Variants in HAGH observed in about 807,000 individuals in gnomAD.
HAGH encodes hydroxyacylglutathione hydrolase, mitochondrial.
A neutral mutation model predicts 35.1 loss-of-function variants in HAGH; 29 were observed. That is an observed-to-expected ratio of 0.83 (90% CI 0.62 to 1.13). The LOEUF (loss-of-function observed/expected upper bound fraction) is 1.13, where lower values mean the gene tolerates loss of function less well. Among genes scored for constraint, HAGH ranks in the 50% most tolerant of loss-of-function variants. HAGH has a pLI of 0.00. For missense variants in HAGH, 478 were observed against 419.6 expected (o/e 1.14, Z -1.22); for synonymous variants, 225 against 176.1 (o/e 1.28, Z -2.20).
Position 1,826,708 on chromosome 16 carries a change from C to A in HAGH, c.76+4G>T. 5.5e-6 allele frequency: 6 copies of A among 1,098,292 alleles called. No homozygotes were observed. The highest frequency in any genetic ancestry group is 6.6e-6 in the Non-Finnish European group (6 of 902,640). 68.0% of individuals were successfully genotyped at this position (1,098,292 alleles called of 1,614,324 possible). A position where few individuals can be genotyped will look rare whatever the true frequency, so the allele number is the denominator to read the frequency against. ...CCCGGCCCGCACCGCCCCGCCGCAC[C>A]CACCGAGGCCTCGGCGGGCGCAGGC... On this transcript the variant is annotated splice_donor_region_variant and intron_variant, in intron 1 of 8. Coordinates refer to ENST00000397356, the MANE Select transcript of HAGH (RefSeq NM_005326.6).
chr16:1,814,627 T>C (rs1301824691), intron 7 of HAGH, among the ~76,000 whole-genome samples: 1 of 152,026 alleles, frequency 6.6e-6, no homozygotes, highest in Admixed American at 6.6e-5. Flanking sequence ...CAGCTGGGCG[T>C]GGTGGGTCAC....
intron 1 of HAGH, among the ~76,000 whole-genome samples, chr16:1,823,560 A>C (rs76225872): frequency 0.049 from 7,373 of 151,454 alleles, 486 homozygotes; most frequent in East Asian, 0.15. Context: ...AGCCACCGCG[A>C]CCAGCCAAGA....
chr16:1,819,817 G>C (rs1898064496), intron 4 of HAGH, 80 bp downstream of exon 4: 2 of 862,790 alleles, frequency 2.3e-6, no homozygotes, highest in East Asian at 4.9e-5. Context: ...TAAGGGAGCA[G>C]AGAGAATGCG....
At chr16:1,819,326 G>C in intron 4 of HAGH, 103 bp from the exon 5 acceptor site, 1 of 672,810 alleles carries the variant, frequency 1.5e-6, no homozygotes, top group Non-Finnish European at 2.5e-6. Context: ...CCTCAGCTCT[G>C]AGGGAAATGC....
chr16:1,827,112 A>G (rs1045917957), upstream of HAGH: 6 of 1,377,852 alleles, frequency 4.4e-6, no homozygotes, highest in Non-Finnish European at 5.9e-6. Context: ...TACCCGGCAG[A>G]TCGCGAGGTG....
intron 3 of HAGH, chr16:1,821,704 G>C (rs1425631575): frequency 6.6e-6 from 1 of 152,328 alleles, no homozygotes; most frequent in Non-Finnish European, 1.5e-5. Flanking sequence ...CACGATCTTG[G>C]CTCACGGCAA....
At chr16:1,826,583 G>C (rs1898437772) in intron 1 of HAGH, 129 bp downstream of exon 1, 10 of 982,338 alleles carry the variant, frequency 1.0e-5, no homozygotes, top group Admixed American at 1.3e-4. Flanking sequence ...GCTCGAGCCC[G>C]GCAGCGCGGC....
At position 1,822,921 on chromosome 16, in the gene HAGH, C is replaced by G. The variant is rs58542872; in HGVS notation, c.193G>C (p.Val65Leu). ...GCCTCCTTGGTCTCATCATCAATGA[C>G]CAGGTACATGTAGTTGTCGGTCAGG... ...PALTDNYMYL[V>L]IDDETKEAAI... Residue 65 changes from valine to leucine, a missense_variant, in exon 2 of 9, where the codon GTC becomes CTC. Physicochemically the swap from Val to Leu is conservative, Grantham distance 32. Transcript: ENST00000397356. 5.1e-3 allele frequency: 8,271 copies of G among 1,613,864 alleles called. 304 individuals are homozygous for G. The East Asian group carries it at 0.098, about 19-fold the overall frequency.
rs751079016 is a variant in HAGH, at chr16:1,823,073, G to T, written c.77-36C>A. The T allele has an allele frequency of 1.9e-6, 3 of 1,600,728 alleles. No individual in the cohort carries two copies. In the Admixed American group the frequency reaches 5.0e-5, roughly 27 times the overall value. On this transcript the variant is annotated intron_variant, in intron 1 of 8. Transcript: ENST00000397356. ...AGAGCACAACTCAGCGGGCAGCCGC[G>T]CCAGGCCCTCCACGACAGGACGCGC...
upstream of HAGH, chr16:1,826,900 C>T: frequency 6.9e-6 from 5 of 729,346 alleles, no homozygotes; most frequent in Non-Finnish European, 8.1e-6. Flanking sequence ...CAGCGTCCAC[C>T]TCGCACCGTC....
chr16:1,823,175 G>C lies in HAGH; in HGVS notation c.77-138C>G, dbSNP rs57505570. 0.012 allele frequency: 8,426 copies of C among 714,296 alleles called. 516 individuals carry two copies. The East Asian group carries it at 0.15, about 13-fold the overall frequency. The allele number at this position is 714,296 out of a possible 1,614,324, so 44.2% of individuals were successfully genotyped here. A position where few individuals can be genotyped will look rare whatever the true frequency, so the allele number is the denominator to read the frequency against. ...GGCCAGGTATGGTGGTTCTTGCCGGGAATCCCAGCGCTTTAAGAGACTGAG... is the reference window on the plus strand; with the variant it reads ...GGCCAGGTATGGTGGTTCTTGCCGGCAATCCCAGCGCTTTAAGAGACTGAG... On this transcript the variant is annotated intron_variant, in intron 1 of 8. Coordinates refer to ENST00000397356, the MANE Select transcript of HAGH (RefSeq NM_005326.6).
At chr16:1,821,954 T>TTG (rs1555468671) in intron 3 of HAGH, 71,898 of 159,538 alleles carry the variant, frequency 0.45, 16,205 homozygotes, top group Admixed American at 0.56. Context: ...GTTTTTTTGT[T>TTG]TTTTTTTTTT....
chr16:1,810,457 G>C, intron 7 of HAGH: 1 of 153,388 alleles, frequency 6.5e-6, no homozygotes, highest in Middle Eastern at 3.2e-3. Flanking sequence ...GGGAGGAGGG[G>C]CACAGGGACC....
chr16:1,816,004 G>A (rs1252538026), intron 7 of HAGH, among the ~76,000 whole-genome samples: 5 of 131,370 alleles, frequency 3.8e-5, no homozygotes, highest in African/African-American at 1.2e-4. Context: ...GCAGTGGAGC[G>A]ATCTTGGCTC....
At position 1,817,235 on chromosome 16, in the gene HAGH, T is replaced by C. The variant is rs144037672; in HGVS notation, c.578A>G (p.Tyr193Cys). The C allele has an allele frequency of 4.2e-4, 672 of 1,613,498 alleles. No homozygotes were observed. The highest frequency in any genetic ancestry group is 7.7e-4 in the Admixed American group (46 of 60,008). Residue 193 changes from tyrosine (Y) to cysteine (C), a missense_variant, in exon 6 of 9, where the codon TAT (tyrosine) becomes TGT (cysteine). Coordinates refer to ENST00000397356, the MANE Select transcript of HAGH (RefSeq NM_005326.6). ...TLFVAGCGKF[Y>C]EGTADEMCKA... ...ACACATCTCATCCGCAGTCCCTTCA[T>C]AGAACTTCCCGCAGCCAGCCACAAA...
At position 1,817,134 on chromosome 16, in the gene HAGH, C is replaced by T. The variant is rs1414767937; in HGVS notation, c.645+34G>A. On this transcript the variant is annotated intron_variant, in intron 6 of 8. Coordinates refer to ENST00000397356, the MANE Select transcript of HAGH (RefSeq NM_005326.6). ...AGCAGCCCCGCCCTGGTTAAGGCCC[C>T]CCACACCCCGGCCCGCAGGGAGGCG... 9 of 1,485,602 alleles carry T rather than the reference C, an allele frequency of 6.1e-6. No individual in the cohort carries two copies. In the African/African-American group the frequency reaches 1.2e-4, roughly 20 times the overall value. The allele number at this position is 1,485,602 out of a possible 1,614,324, so 92.0% of individuals were successfully genotyped here.
At position 1,819,999 on chromosome 16, in the gene HAGH, C is replaced by A; in HGVS notation, c.330G>T (p.Gly110=). 6.2e-7 allele frequency: 1 copy of A among 1,612,014 alleles called. No homozygotes were observed. The highest frequency in any genetic ancestry group is 8.5e-7 in the Non-Finnish European group (1 of 1,178,786). The change falls in exon 4 of 9, where the codon GGG becomes GGT. Residue 110 remains glycine, a synonymous_variant. Transcript: ENST00000397356. ...TTHHHWDHAG[G]NEKLVKLESG... ...ACTCCAGCTTGACCAGTTTCTCATT[C>A]CCGCCAGCATGGTCCCTAGAAGTCA...
Position 1,819,211 on chromosome 16 carries a change from T to G in HAGH, c.445A>C (p.Asn149His). The G allele has an allele frequency of 6.2e-7, 1 of 1,608,914 alleles. No individual in the cohort carries two copies. Among genetic ancestry groups the G allele is most frequent in the Non-Finnish European group, 8.5e-7 (1 of 1,176,374 alleles). The change falls in exon 5 of 9, where the codon AAC becomes CAC. Residue 149 changes from asparagine (N) to histidine (H), a missense_variant. Coordinates refer to ENST00000397356, the MANE Select transcript of HAGH (RefSeq NM_005326.6). ...HLSTLQVGSLNVKCLATPCHT... is the reference protein window; with the variant it reads ...HLSTLQVGSLHVKCLATPCHT... ...CACGGGGTCGCCAGGCACTTGACGT[T>G]CAGAGACCCCACCTTCAACAAAGCA... is the stretch of plus-strand genomic sequence containing the variant.
chr16:1,815,533 G>C (rs974207832), intron 7 of HAGH, among the ~76,000 whole-genome samples: 2 of 152,224 alleles, frequency 1.3e-5, no homozygotes, highest in African/African-American at 4.8e-5. Context: ...AGATGACGGA[G>C]CAATGAGATT....
Sources: gnomAD v4.1 joint callset for allele counts (sites outside exome capture counted in the v4.1 genomes callset) on GRCh38, gnomAD v4.1.1 for gene constraint, MANE v1.5 for transcripts, NCBI Gene and HGNC (gene_info 2026-07-23, HGNC 2026-07-21) for gene names.